The following LTBP1 variants were observed in gnomAD, a reference collection of about 807,000 sequenced individuals.
The protein encoded by LTBP1 is latent transforming growth factor beta binding protein 1.
LTBP1 carries 129 observed loss-of-function variants against 207.6 expected under a neutral mutation model. That is an observed-to-expected ratio of 0.62 (90% CI 0.54 to 0.72). The LOEUF (loss-of-function observed/expected upper bound fraction) is 0.72, where lower values mean the gene tolerates loss of function less well. LTBP1 is among the 30% of genes least tolerant of loss of function. The pLI is 0.00. For missense variants in LTBP1, 2,281 were observed against 2,217.2 expected (o/e 1.03, Z -0.58); for synonymous variants, 963 against 833.7 (o/e 1.16, Z -2.67).
chr2:33,200,697 A>G (rs1334800688), intron 7 of LTBP1, among the ~76,000 whole-genome samples: 1 of 152,252 alleles, frequency 6.6e-6, no homozygotes, highest in Non-Finnish European at 1.5e-5. Flanking sequence ...GCAACCTACA[A>G]AATGGGAGAA....
At chr2:33,032,644 A>G (rs1004164524) in intron 3 of LTBP1, among the ~76,000 whole-genome samples, 1 of 152,230 alleles carries the variant, frequency 6.6e-6, no homozygotes, top group African/African-American at 2.4e-5. Context: ...CTCATTAGTT[A>G]TTATTTAAAA....
intron 24 of LTBP1, among the ~76,000 whole-genome samples, chr2:33,342,252 C>T (rs1020100166): frequency 2.6e-5 from 4 of 152,158 alleles, no homozygotes; most frequent in African/African-American, 4.8e-5. Context: ...GCAGCCTGGA[C>T]GGTTAGGACC....
intron 5 of LTBP1, among the ~76,000 whole-genome samples, chr2:33,144,226 G>A (rs2082847219): frequency 6.6e-6 from 1 of 152,142 alleles, no homozygotes; most frequent in Non-Finnish European, 1.5e-5. Context: ...GAAGGATATA[G>A]AAGGACAATT....
At chr2:33,217,732 C>A in intron 8 of LTBP1, 78 bp downstream of exon 8, 2 of 958,240 alleles carry the variant, frequency 2.1e-6, no homozygotes, top group Non-Finnish European at 3.3e-6. Flanking sequence ...AATGATGAGG[C>A]AATATTAGAC....
chr2:33,301,379 A>G, intron 21 of LTBP1, 143 bp from the exon 22 acceptor site: 5 of 907,460 alleles, frequency 5.5e-6, no homozygotes, highest in Non-Finnish European at 8.0e-6. Flanking sequence ...CTCCTGAGAT[A>G]GTATTACAAA....
At chr2:33,189,884 C>T (rs1180775834) in intron 7 of LTBP1, among the ~76,000 whole-genome samples, 5 of 151,690 alleles carry the variant, frequency 3.3e-5, no homozygotes, top group East Asian at 2.0e-4. Context: ...AAAATTAGCC[C>T]GGCGTGGTGG....
intron 5 of LTBP1, among the ~76,000 whole-genome samples, chr2:33,177,639 G>T (rs1417110852): frequency 6.6e-6 from 1 of 152,128 alleles, no homozygotes; most frequent in Non-Finnish European, 1.5e-5. Flanking sequence ...CTACATTCCA[G>T]CCTGGGTGAC....
chr2:32,987,841 C>G (rs1683833871), intron 2 of LTBP1, among the ~76,000 whole-genome samples: 2 of 152,196 alleles, frequency 1.3e-5, no homozygotes, highest in African/African-American at 4.8e-5. Flanking sequence ...GATACCAGCT[C>G]CTAATGCCTG....
In LTBP1 at chr2:33,134,716, T is replaced by A; in HGVS notation, c.1034-77T>A. ...CTTTCTTTTCTTTTTTTCTGTTTTT[T>A]TAAACCTTCCAAGGCAAGTTCATGG... On this transcript the variant is annotated intron_variant, in intron 4 of 33. Coordinates refer to ENST00000404816, the MANE Select transcript of LTBP1 (RefSeq NM_206943.4). This position sits in a 1 kb window ranked among gnomAD's most constrained non-coding sequence, Gnocchi z 4.4. 1 of 1,610,154 alleles carries A rather than the reference T, an allele frequency of 6.2e-7. No individual in the cohort carries two copies. The highest frequency in any genetic ancestry group is 8.5e-7 in the Non-Finnish European group (1 of 1,178,906).
chr2:32,995,944 C>G lies in LTBP1; in HGVS notation c.566-24965C>G, dbSNP rs4952278. ...AAATCGAGGTCTATTGAGTTTAACC[C>G]TAGTCCTAACCTGAGTCTTCGTAAT... On this transcript the variant is annotated intron_variant, in intron 2 of 33. Transcript: ENST00000404816. 2.4e-3 allele frequency among the ~76,000 whole-genome samples: 358 copies of G among 152,310 alleles called. 6 individuals are homozygous for G. The highest frequency in any genetic ancestry group is 0.021 in the Admixed American group (320 of 15,302).
chr2:33,017,602 T>C (rs752969219), intron 2 of LTBP1, among the ~76,000 whole-genome samples: 4 of 152,022 alleles, frequency 2.6e-5, no homozygotes, highest in Non-Finnish European at 5.9e-5. Flanking sequence ...TAGAAGGACA[T>C]GAGTTGTTTT....
rs147293824 is a variant in LTBP1 at position 33,094,183 on chromosome 2, T to A, written c.864-16399T>A. ...ACTTGTTTGGAATAAATTTATTTTG[T>A]ATCTCTTCTTCAATGACATAAGAAG... On this transcript the variant is annotated intron_variant, in intron 3 of 33. Transcript: ENST00000404816. 1.4e-3 allele frequency among the ~76,000 whole-genome samples: 210 copies of A among 152,318 alleles called. 1 individual carries two copies. Among genetic ancestry groups the A allele is most frequent in the African/African-American group, 4.7e-3 (194 of 41,586 alleles).
At chr2:33,207,168 G>A (rs2089947142) in intron 7 of LTBP1, among the ~76,000 whole-genome samples, 1 of 152,156 alleles carries the variant, frequency 6.6e-6, no homozygotes, top group African/African-American at 2.4e-5. Flanking sequence ...AAGATGTCAA[G>A]TAGAATCATA....
At chr2:33,240,901 C>T (rs150865602) in intron 9 of LTBP1, among the ~76,000 whole-genome samples, 5,363 of 152,158 alleles carry the variant, frequency 0.035, 138 homozygotes, top group Non-Finnish European at 0.056. Flanking sequence ...CTGCCCACCT[C>T]GGCCTCCCAA....
intron 11 of LTBP1, among the ~76,000 whole-genome samples, chr2:33,253,549 A>T (rs2092741665): frequency 6.6e-6 from 1 of 152,200 alleles, no homozygotes; most frequent in South Asian, 2.1e-4. Flanking sequence ...GTTAGACCTG[A>T]TATTAACAAG....
chr2:33,363,281 A>G, intron 28 of LTBP1, 109 bp from the exon 29 acceptor site: 5 of 1,064,656 alleles, frequency 4.7e-6, no homozygotes, highest in Non-Finnish European at 6.7e-6. Context: ...ATTCTTTGGA[A>G]TGTAAATATT....
chr2:33,196,919 G>A (rs1440401115), intron 7 of LTBP1, among the ~76,000 whole-genome samples: 1 of 152,150 alleles, frequency 6.6e-6, no homozygotes, highest in African/African-American at 2.4e-5. Context: ...TGACCACAGA[G>A]GACATTTCTT....
chr2:33,099,041 C>T (rs2150115368), intron 3 of LTBP1, among the ~76,000 whole-genome samples: 1 of 152,262 alleles, frequency 6.6e-6, no homozygotes, highest in East Asian at 1.9e-4. Flanking sequence ...GTGCTCCAGA[C>T]ATATTGAAAT....
At chr2:33,222,232 C>T (rs1437279061) in intron 9 of LTBP1, 81 bp downstream of exon 9, 3 of 961,688 alleles carry the variant, frequency 3.1e-6, no homozygotes, top group Non-Finnish European at 5.1e-6. Context: ...CCACGGCTTG[C>T]TCATTCGCCC....
Sources: allele counts gnomAD v4.1 joint callset (sites outside exome capture counted in the v4.1 genomes callset), GRCh38; gene constraint gnomAD v4.1.1; non-coding constraint Gnocchi (gnomAD v3.1); transcripts MANE v1.5; gene names NCBI Gene and HGNC (gene_info 2026-07-23, HGNC 2026-07-21).